The following PUDP variants were observed in gnomAD, a reference collection of about 807,000 sequenced individuals.
PUDP encodes the protein pseudouridine-5'-phosphatase.
Under a neutral mutation model 9.4 loss-of-function variants are expected in PUDP, and 8 were observed. That is an observed-to-expected ratio of 0.85 (90% CI 0.50 to 1.53). The LOEUF (loss-of-function observed/expected upper bound fraction) is 1.53, where lower values mean the gene tolerates loss of function less well. Among genes scored for constraint, PUDP ranks in the 40% most tolerant of loss-of-function variants. PUDP has a pLI of 0.00. For missense variants in PUDP, 188 were observed against 189.7 expected (o/e 0.99, Z 0.05); for synonymous variants, 99 against 80.7 (o/e 1.23, Z -1.22).
intron 3 of PUDP, among the ~76,000 whole-genome samples, chrX:6,780,139 T>C (rs1241661539): frequency 1.8e-5 from 2 of 109,827 alleles, no homozygotes; most frequent in African/African-American, 6.6e-5. Flanking sequence ...TATATACATA[T>C]TGTATATATA....
chrX:6,794,213 C>T (rs1264901132), intron 3 of PUDP, among the ~76,000 whole-genome samples: 1 of 112,391 alleles, frequency 8.9e-6, no homozygotes, highest in East Asian at 2.8e-4. Context: ...GATGTGATAA[C>T]CTACAACACA....
chrX:7,096,014 G>C (rs1197479875), intron 2 of PUDP, among the ~76,000 whole-genome samples: 1 of 112,143 alleles, frequency 8.9e-6, no homozygotes, highest in Non-Finnish European at 1.9e-5. Context: ...TCTGGAAGCT[G>C]TCCTTGACAC....
At chrX:6,899,709 T>TGATGATGAA (rs1555915640) in intron 3 of PUDP, among the ~76,000 whole-genome samples, 2 of 105,498 alleles carry the variant, frequency 1.9e-5, no homozygotes, top group African/African-American at 6.8e-5. Flanking sequence ...ATGATGATGA[T>TGATGATGAA]GAAGATGAAC....
chrX:7,031,476 T>C (rs1929791482), intron 1 of PUDP, among the ~76,000 whole-genome samples: 1 of 111,906 alleles, frequency 8.9e-6, no homozygotes, highest in African/African-American at 3.2e-5. Flanking sequence ...CCTTCCACGC[T>C]AAACTCGCTC....
intron 3 of PUDP, among the ~76,000 whole-genome samples, chrX:6,853,082 C>T (rs1926850881): frequency 8.9e-6 from 1 of 111,849 alleles, no homozygotes; most frequent in Non-Finnish European, 1.9e-5. Flanking sequence ...CCTCTTATTG[C>T]TCATGTGTCA....
chrX:7,056,814 A>G (rs985379372), intron 3 of PUDP, among the ~76,000 whole-genome samples: 1 of 112,304 alleles, frequency 8.9e-6, no homozygotes, highest in African/African-American at 3.2e-5. Context: ...TGCTTAGTGC[A>G]AGGGAAGTTC....
At chrX:7,005,017 G>T (rs770841746) in intron 1 of PUDP, among the ~76,000 whole-genome samples, 1 of 112,042 alleles carries the variant, frequency 8.9e-6, no homozygotes, top group South Asian at 3.7e-4. Flanking sequence ...TATTATGTAC[G>T]TATAAGTCAG....
Position 7,115,386 on chromosome X carries a change from C to CTA in PUDP, c.62-9550_62-9549dup, listed in dbSNP as rs753381686. On this transcript the variant is annotated intron_variant, in intron 1 of 3. Coordinates refer to ENST00000381077, the MANE Select transcript of PUDP (RefSeq NM_012080.5). ...AGTAACTACTGAAACTTTTACATCG[C>CTA]TATATATATATGTTCTAACATAAGA... Among the ~76,000 whole-genome samples, 7 of 112,072 alleles carry CTA rather than the reference C, an allele frequency of 6.2e-5. No homozygotes were observed. The South Asian group carries it at 1.1e-3, about 18-fold the overall frequency.
chrX:6,781,548 T>C lies in PUDP; in HGVS notation c.*248-75082A>G, dbSNP rs12011194. On this transcript the variant is annotated intron_variant and NMD_transcript_variant, in intron 3 of 3. Coordinates refer to the PUDP transcript ENST00000655425. ...AATCCTCTGAAGGATCAAAGGTATG[T>C]TTTTGAGCTGCCTACACCTGAAATC... Among the ~76,000 whole-genome samples, 976 of 112,055 alleles carry C rather than the reference T, an allele frequency of 8.7e-3. 9 individuals carry two copies. The highest frequency in any genetic ancestry group is 0.03 in the African/African-American group (921 of 30,871).
chrX:7,122,071 C>G (rs1932357063), intron 1 of PUDP, among the ~76,000 whole-genome samples: 1 of 110,871 alleles, frequency 9.0e-6, no homozygotes, highest in Non-Finnish European at 1.9e-5. Context: ...GCCTCTGGTC[C>G]CAGCTACTCG....
intron 3 of PUDP, among the ~76,000 whole-genome samples, chrX:6,948,699 C>T (rs1416127321): frequency 1.8e-5 from 2 of 112,075 alleles, no homozygotes; most frequent in African/African-American, 6.5e-5. Flanking sequence ...CCATAGTTTG[C>T]ATATCGTGTG....
intron 1 of PUDP, among the ~76,000 whole-genome samples, chrX:7,004,175 G>A (rs6530034): frequency 9.9e-5 from 11 of 111,500 alleles, no homozygotes; most frequent in African/African-American, 3.3e-4. Context: ...TGCTCCTGCC[G>A]GTTTCATGCT....
At chrX:6,869,186 C>A (rs1927135330) in intron 3 of PUDP, among the ~76,000 whole-genome samples, 1 of 111,854 alleles carries the variant, frequency 8.9e-6, no homozygotes, top group Admixed American at 9.6e-5. Flanking sequence ...TGACAGTGCT[C>A]CAGTGATCTA....
chrX:6,877,794 C>T (rs1315133312), intron 3 of PUDP, among the ~76,000 whole-genome samples: 1 of 111,582 alleles, frequency 9.0e-6, no homozygotes, highest in African/African-American at 3.3e-5. Flanking sequence ...ATAAAGGTCT[C>T]AAGCCTCAAC....
At chrX:7,013,603 C>T (rs1220705008) in intron 1 of PUDP, among the ~76,000 whole-genome samples, 1 of 111,898 alleles carries the variant, frequency 8.9e-6, no homozygotes, top group Non-Finnish European at 1.9e-5. Context: ...ATATCTACCA[C>T]TAGCCATTTT....
upstream of PUDP, among the ~76,000 whole-genome samples, chrX:6,725,774 G>A (rs149543530): frequency 1.4e-4 from 16 of 112,086 alleles, no homozygotes; most frequent in African/African-American, 4.5e-4. Context: ...ACAAATGTTG[G>A]TGAGGATGCA....
At chrX:6,782,955 A>G (rs1189933280) in intron 3 of PUDP, among the ~76,000 whole-genome samples, 1 of 111,374 alleles carries the variant, frequency 9.0e-6, no homozygotes, top group East Asian at 2.8e-4. Flanking sequence ...GGTCTTGCAC[A>G]TATTATCATA....
rs182877827 is a variant in PUDP at position 7,036,527 on chromosome X, C to A, written c.204+40693G>T. On this transcript the variant is annotated intron_variant and NMD_transcript_variant, in intron 1 of 3. Transcript: ENST00000655425. ...TAGATATTTGATCTCTTCCCTACCA[C>A]CCCCTCCCATCCCCCTCTTTTTCTC... Among the ~76,000 whole-genome samples, 3 of 109,873 alleles carry A rather than the reference C, an allele frequency of 2.7e-5. No individual in the cohort carries two copies. The Admixed American group carries it at 2.9e-4, about 11-fold the overall frequency.
At chrX:6,784,164 T>C (rs1442227721) in intron 3 of PUDP, among the ~76,000 whole-genome samples, 3 of 111,604 alleles carry the variant, frequency 2.7e-5, no homozygotes, top group African/African-American at 9.8e-5. Flanking sequence ...ACCATGCAAA[T>C]TGTCTCTGTT....
Sources: gnomAD v4.1 joint callset for allele counts (sites outside exome capture counted in the v4.1 genomes callset) on GRCh38, gnomAD v4.1.1 for gene constraint, MANE v1.5 for transcripts, NCBI Gene and HGNC (gene_info 2026-07-23, HGNC 2026-07-21) for gene names.